NBAS: variants seen among roughly 807,000 people sequenced by gnomAD.
NBAS encodes the protein NBAS subunit of NRZ tethering complex.
Under a neutral mutation model 302.5 loss-of-function variants are expected in NBAS, and 219 were observed. That is an observed-to-expected ratio of 0.72 (90% CI 0.65 to 0.81). The LOEUF (loss-of-function observed/expected upper bound fraction) is 0.81, where lower values mean the gene tolerates loss of function less well. Ranked by LOEUF, NBAS falls within the 30% of genes least tolerant of loss-of-function variation. The pLI, the probability that NBAS is intolerant of heterozygous loss-of-function variation, is 0.00. For synonymous variants in NBAS, 1,118 were observed against 1,021.6 expected (o/e 1.09, Z -1.80); for missense variants, 2,932 against 2,841.6 (o/e 1.03, Z -0.72).
chr2:15,417,852 T>C (rs1225355501), intron 23 of NBAS, 140 bp from the exon 24 acceptor site: 8 of 795,274 alleles, frequency 1.0e-5, no homozygotes, highest in Non-Finnish European at 1.6e-5. Flanking sequence ...GTTTTTTATT[T>C]ACTGCAAAAA....
chr2:15,412,545 C>G (rs187495497), intron 25 of NBAS, among the ~76,000 whole-genome samples: 1 of 152,160 alleles, frequency 6.6e-6, no homozygotes, highest in Non-Finnish European at 1.5e-5. Context: ...AATAACTGCA[C>G]CTATTACATT....
At chr2:15,019,400 A>C in the NBAS span, among the ~76,000 whole-genome samples, 1 of 152,202 alleles carries the variant, frequency 6.6e-6, no homozygotes, top group African/African-American at 2.4e-5. Context: ...AAAAAGTCAA[A>C]GAACTTTTTA....
At chr2:15,070,201 G>A in the NBAS span, among the ~76,000 whole-genome samples, 1 of 152,112 alleles carries the variant, frequency 6.6e-6, no homozygotes, top group Non-Finnish European at 1.5e-5. Context: ...CTACAGTAAG[G>A]CTCTCTGGCC....
chr2:14,785,455 T>G, the NBAS span, among the ~76,000 whole-genome samples: 4 of 152,136 alleles, frequency 2.6e-5, no homozygotes, highest in African/African-American at 9.7e-5. Flanking sequence ...TGGCTGTGGG[T>G]TTGTCATAGA....
intron 50 of NBAS, chr2:15,179,969 G>A (rs1468593845): frequency 6.6e-6 from 1 of 152,204 alleles, no homozygotes; most frequent in African/African-American, 2.4e-5. Flanking sequence ...ATAAAGAAGA[G>A]AACACTTTGG....
At chr2:15,316,107 A>G (rs1193084125) in intron 38 of NBAS, among the ~76,000 whole-genome samples, 2 of 152,232 alleles carry the variant, frequency 1.3e-5, no homozygotes, top group African/African-American at 4.8e-5. Flanking sequence ...CATAAAAAAT[A>G]AATAAATAAA....
At chr2:15,028,588 G>A in the NBAS span, among the ~76,000 whole-genome samples, 1 of 152,180 alleles carries the variant, frequency 6.6e-6, no homozygotes, top group Non-Finnish European at 1.5e-5. Context: ...ATGAGGCCCT[G>A]CATAATTGAG....
intron 21 of NBAS, among the ~76,000 whole-genome samples, chr2:15,441,250 C>G (rs1020712189): frequency 1.3e-5 from 2 of 152,044 alleles, no homozygotes; most frequent in Non-Finnish European, 2.9e-5. Flanking sequence ...TAAGGGCAGC[C>G]AGAGAGAAAG....
the NBAS span, among the ~76,000 whole-genome samples, chr2:14,818,182 T>C: frequency 6.6e-6 from 1 of 152,178 alleles, no homozygotes; most frequent in East Asian, 1.9e-4. Context: ...ATGGTTTCTT[T>C]AGAAATCACC....
Position 15,417,681 on chromosome 2 carries a change from C to A in NBAS, c.2609G>T (p.Gly870Val), listed in dbSNP as rs1677012542. The change falls in exon 24 of 52, where the codon GGG becomes GTG. Residue 870 changes from glycine (G) to valine (V), a missense_variant. Physicochemically the swap from Gly to Val is moderately radical, Grantham distance 109. Coordinates refer to ENST00000281513, the MANE Select transcript of NBAS (RefSeq NM_015909.4). ...VDCALSLIRL[G>V]MERNIPGLLV... Reference sequence around the variant, plus strand: ...CAAACCAGGAATATTCCGCTCCATCCCAAGTCGAATAAGTGACAATGCACA... The same window carrying A: ...CAAACCAGGAATATTCCGCTCCATCACAAGTCGAATAAGTGACAATGCACA... The A allele has an allele frequency of 6.2e-7, 1 of 1,613,764 alleles. No individual in the cohort carries two copies. The highest frequency in any genetic ancestry group is 2.2e-5 in the East Asian group (1 of 44,826).
chr2:14,830,073 T>C, the NBAS span, among the ~76,000 whole-genome samples: 2 of 152,324 alleles, frequency 1.3e-5, no homozygotes, highest in African/African-American at 4.8e-5. Flanking sequence ...ACAGATTTTA[T>C]TTCTTGACGA....
chr2:15,221,441 A>T (rs1056655029), intron 47 of NBAS, among the ~76,000 whole-genome samples: 2 of 152,248 alleles, frequency 1.3e-5, no homozygotes, highest in African/African-American at 4.8e-5. Flanking sequence ...CACCATAATT[A>T]TCAGCATCAT....
chr2:15,340,697 T>G (rs1365163069), intron 35 of NBAS, among the ~76,000 whole-genome samples: 1 of 152,062 alleles, frequency 6.6e-6, no homozygotes, highest in East Asian at 1.9e-4. Context: ...TTAAAGACTA[T>G]GACCTAGGGT....
the NBAS span, among the ~76,000 whole-genome samples, chr2:14,959,735 A>G: frequency 9.2e-5 from 14 of 152,190 alleles, no homozygotes; most frequent in Non-Finnish European, 1.8e-4. Context: ...GCCTTTTCCC[A>G]TATGACATGT....
the NBAS span, among the ~76,000 whole-genome samples, chr2:15,079,932 AT>A: frequency 2.0e-5 from 3 of 152,174 alleles, no homozygotes; most frequent in Non-Finnish European, 4.4e-5. Flanking sequence ...ATTTGGCATG[AT>A]TTTTTACAAC....
chr2:15,466,585 T>C (rs1220696793), intron 19 of NBAS, among the ~76,000 whole-genome samples: 2 of 152,114 alleles, frequency 1.3e-5, no homozygotes, highest in Non-Finnish European at 2.9e-5. Context: ...GCTCAAATAA[T>C]CTAACTTCAG....
At chr2:14,969,058 C>A in the NBAS span, among the ~76,000 whole-genome samples, 3 of 151,964 alleles carry the variant, frequency 2.0e-5, no homozygotes, top group African/African-American at 4.8e-5. Flanking sequence ...TATGGATGAA[C>A]CTTGAAAACG....
chr2:15,143,047 C>T, the NBAS span, among the ~76,000 whole-genome samples: 1 of 152,266 alleles, frequency 6.6e-6, no homozygotes, highest in East Asian at 1.9e-4. Flanking sequence ...CTCATCAGCC[C>T]GTTGAAATAT....
intron 50 of NBAS, among the ~76,000 whole-genome samples, chr2:15,184,188 G>A (rs181781256): frequency 4.6e-5 from 7 of 152,166 alleles, no homozygotes; most frequent in Admixed American, 1.3e-4. Flanking sequence ...ATTCCCAGGC[G>A]GCTAAAAGAT....
Sources: allele counts gnomAD v4.1 joint callset (sites outside exome capture counted in the v4.1 genomes callset), GRCh38; gene constraint gnomAD v4.1.1; transcripts MANE v1.5; gene names NCBI Gene and HGNC (gene_info 2026-07-23, HGNC 2026-07-21).